USP34: variants seen among roughly 807,000 people sequenced by gnomAD.
The protein encoded by USP34 is ubiquitin specific peptidase 34, also known as ubiquitin carboxyl-terminal hydrolase 34.
USP34 carries 70 observed loss-of-function variants against 460.3 expected under a neutral mutation model. The ratio of observed to expected loss-of-function variants is 0.15; its 90% CI spans 0.13 to 0.19. USP34 has a LOEUF of 0.19. Among genes scored for constraint, USP34 ranks in the 10% least tolerant of loss-of-function variants. USP34 has a pLI of 1.00. For synonymous variants in USP34, 1,647 were observed against 1,405.3 expected, an observed-to-expected ratio of 1.17 and a Z score of -3.85; for missense variants, 3,985 against 4,236.2, an observed-to-expected ratio of 0.94 and a Z score of 1.65.
At chr2:61,261,647 G>C (rs567779483) in intron 43 of USP34, among the ~76,000 whole-genome samples, 1 of 152,072 alleles carries the variant, frequency 6.6e-6, no homozygotes. Flanking sequence ...TTAAAATGAT[G>C]AATTTAATGT....
At chr2:61,218,874 G>A (rs772880466) in intron 67 of USP34, among the ~76,000 whole-genome samples, 9 of 152,260 alleles carry the variant, frequency 5.9e-5, no homozygotes, top group Non-Finnish European at 8.8e-5. Context: ...TACCAATGAT[G>A]TTAATTAACC....
intron 5 of USP34, among the ~76,000 whole-genome samples, chr2:61,391,041 G>C (rs561785430): frequency 5.9e-5 from 9 of 152,070 alleles, no homozygotes; most frequent in African/African-American, 2.2e-4. Flanking sequence ...GCTGAGGTGA[G>C]CAGGGATCAT....
In USP34 at chr2:61,470,186, C is replaced by T. The variant is rs562957737; in HGVS notation, c.43+464G>A. Reference sequence around the variant, plus strand: ...GAGGGAAAAACCACCACCCTGCTCCCGGGAGTTTAATGAAAATTAGCAGGT... The same window carrying T: ...GAGGGAAAAACCACCACCCTGCTCCTGGGAGTTTAATGAAAATTAGCAGGT... On this transcript the variant is annotated intron_variant, in intron 1 of 79. Transcript: ENST00000398571. Among the ~76,000 whole-genome samples, 5 of 152,278 alleles carry T rather than the reference C, an allele frequency of 3.3e-5. No individual in the cohort carries two copies. The South Asian group carries it at 1.0e-3, about 32-fold the overall frequency.
chr2:61,288,830 A>C lies in USP34; in HGVS notation c.4596T>G (p.Phe1532Leu). ...AATCCAAATCGGATGGATCTACTGC[A>C]AACTGGCATATTAACTTCAGCAAGC... is the stretch of plus-strand genomic sequence containing the variant. Reference protein sequence around the residue: ...LACLLKLICQFAVDPSDLDLA... With the variant: ...LACLLKLICQLAVDPSDLDLA... The change falls in exon 34 of 80, where the codon TTT becomes TTG. Residue 1532 changes from phenylalanine to leucine, a missense_variant. Around this residue, in one of 14 missense-constraint regions of USP34, gnomAD observed 1,114 missense variants for 1,122.5 expected, o/e 0.99. Coordinates refer to ENST00000398571, the MANE Select transcript of USP34 (RefSeq NM_014709.4). 4 of 1,613,760 alleles carry C rather than the reference A, an allele frequency of 2.5e-6. No individual in the cohort carries two copies. The highest frequency in any genetic ancestry group is 3.4e-6 in the Non-Finnish European group (4 of 1,179,938).
At chr2:61,448,399 CTGA>C (rs1331027721) in intron 1 of USP34, among the ~76,000 whole-genome samples, 3 of 152,090 alleles carry the variant, frequency 2.0e-5, no homozygotes, top group Admixed American at 6.6e-5. Context: ...CTGTAGTAAG[CTGA>C]TAATAGCACC....
chr2:61,437,817 A>ATAAATAAATAAC (rs1553391325), intron 1 of USP34, among the ~76,000 whole-genome samples: 2 of 149,782 alleles, frequency 1.3e-5, no homozygotes, highest in South Asian at 2.1e-4. Flanking sequence ...AAATAAATAA[A>ATAAATAAATAAC]AAACCTGAAC....
At chr2:61,432,181 TAA>T (rs1397128495) in intron 1 of USP34, among the ~76,000 whole-genome samples, 1 of 143,458 alleles carries the variant, frequency 7.0e-6, no homozygotes. Flanking sequence ...GTTTTTCAAT[TAA>T]AAAAAAAAAA....
At chr2:61,284,761 C>T in intron 35 of USP34, 114 bp downstream of exon 35, 1 of 764,412 alleles carries the variant, frequency 1.3e-6, no homozygotes, top group Non-Finnish European at 2.0e-6. Flanking sequence ...TGAGAGATTT[C>T]ATCATAATAT....
intron 43 of USP34, among the ~76,000 whole-genome samples, chr2:61,260,311 G>C (rs1373634569): frequency 6.6e-6 from 1 of 152,118 alleles, no homozygotes; most frequent in Admixed American, 6.5e-5. Context: ...TCACACATTA[G>C]AGATTTAGTA....
chr2:61,393,078 C>T (rs1009228502), intron 5 of USP34, among the ~76,000 whole-genome samples: 2 of 152,050 alleles, frequency 1.3e-5, no homozygotes, highest in African/African-American at 4.8e-5. Flanking sequence ...TTTTAAACCT[C>T]AAAACAATCC....
chr2:61,406,375 CCTT>C (rs1314681365), intron 2 of USP34, among the ~76,000 whole-genome samples: 4 of 151,970 alleles, frequency 2.6e-5, no homozygotes, highest in African/African-American at 7.2e-5. Flanking sequence ...ATTTGTCTGT[CCTT>C]CTACACATGG....
At chr2:61,421,704 A>G (rs1694362002) in intron 1 of USP34, among the ~76,000 whole-genome samples, 2 of 152,186 alleles carry the variant, frequency 1.3e-5, no homozygotes, top group Non-Finnish European at 2.9e-5. Flanking sequence ...TCCCCTATGA[A>G]GCAGTAATAT....
chr2:61,311,890 T>A lies in USP34; in HGVS notation c.3563A>T (p.Gln1188Leu). ...AATACCAGTGCCTTCAATTTGCCAC[T>A]GTCTCAGATGATATGCAAACCTAAA... Reference protein sequence around the residue: ...FRRRFAYHLRQWQIEGTGISS... With the variant: ...FRRRFAYHLRLWQIEGTGISS... The change falls in exon 26 of 80, where the codon CAG becomes CTG. Residue 1188 changes from glutamine to leucine, a missense_variant. Coordinates refer to ENST00000398571, the MANE Select transcript of USP34 (RefSeq NM_014709.4). 6.2e-7 allele frequency: 1 copy of A among 1,613,634 alleles called. No individual in the cohort carries two copies. Among genetic ancestry groups the A allele is most frequent in the South Asian group, 1.1e-5 (1 of 91,002 alleles).
chr2:61,395,133 G>A (rs771350733), intron 4 of USP34, 50 bp downstream of exon 4: 5 of 1,464,552 alleles, frequency 3.4e-6, no homozygotes, highest in Middle Eastern at 1.8e-4. Context: ...ATGAGGCTTT[G>A]TTAAAAAAAT....
At chr2:61,359,049 G>A (rs1409186026) in intron 10 of USP34, among the ~76,000 whole-genome samples, 4 of 152,134 alleles carry the variant, frequency 2.6e-5, no homozygotes, top group Admixed American at 6.5e-5. Flanking sequence ...GTGATCCACA[G>A]AGTCAATGCA....
At chr2:61,263,811 A>C (rs1461440538) in intron 43 of USP34, among the ~76,000 whole-genome samples, 2 of 152,132 alleles carry the variant, frequency 1.3e-5, no homozygotes, top group African/African-American at 4.8e-5. Context: ...TCTGGTAGAG[A>C]TAGGGTTTCA....
intron 33 of USP34, among the ~76,000 whole-genome samples, chr2:61,290,847 A>AC (rs1689828926): frequency 6.6e-6 from 1 of 152,170 alleles, no homozygotes; most frequent in African/African-American, 2.4e-5. Flanking sequence ...GAGAGCTAAA[A>AC]CCAGAAACCT....
Position 61,341,971 on chromosome 2 carries a change from C to T in USP34, c.2500+1844G>A, listed in dbSNP as rs116193217. Among the ~76,000 whole-genome samples the T allele has an allele frequency of 8.9e-3, 1,352 of 151,910 alleles. 18 individuals are homozygous for T. Among genetic ancestry groups the T allele is most frequent in the African/African-American group, 0.031 (1,267 of 41,420 alleles). On this transcript the variant is annotated intron_variant, in intron 16 of 79. Transcript: ENST00000398571. ...ACCAACGGGGTTTCACCATGTTGGC[C>T]AGGCTGGCCTCGAGATGCTGACCTC...
chr2:61,317,813 T>A, intron 22 of USP34, 46 bp from the exon 23 acceptor site: 1 of 1,388,194 alleles, frequency 7.2e-7, no homozygotes, highest in Non-Finnish European at 1.0e-6. Context: ...AGTGTGGTAA[T>A]TCACAGATTT....
Sources: gnomAD v4.1 joint callset for allele counts (sites outside exome capture counted in the v4.1 genomes callset) on GRCh38, gnomAD v4.1.1 for gene constraint, gnomAD v4.1.1 regional missense constraint, MANE v1.5 for transcripts, NCBI Gene and HGNC (gene_info 2026-07-23, HGNC 2026-07-21) for gene names.